The following SBF2 variants were observed in gnomAD, a reference collection of about 807,000 sequenced individuals.
SBF2 encodes the protein myotubularin-related protein 13.
In SBF2, 112 loss-of-function variants were observed where a neutral mutation model predicts 225.2. That is an observed-to-expected ratio of 0.50 (90% CI 0.43 to 0.58). The LOEUF (loss-of-function observed/expected upper bound fraction) is 0.58, where lower values mean the gene tolerates loss of function less well. Ranked by LOEUF, SBF2 falls within the 20% of genes least tolerant of loss-of-function variation. The pLI is 0.00. For missense variants in SBF2, 1,996 were observed against 2,206.2 expected (o/e 0.90, Z 1.91); for synonymous variants, 763 against 773.3 (o/e 0.99, Z 0.22).
At chr11:9,793,610 G>A (rs901064389) in intron 33 of SBF2, among the ~76,000 whole-genome samples, 6 of 151,620 alleles carry the variant, frequency 4.0e-5, no homozygotes, top group Admixed American at 1.3e-4. Flanking sequence ...GACTGGTCTC[G>A]AATTCCTGGC....
chr11:10,061,357 G>A (rs555457640), intron 2 of SBF2, among the ~76,000 whole-genome samples: 3 of 152,210 alleles, frequency 2.0e-5, no homozygotes, highest in Non-Finnish European at 4.4e-5. Context: ...TCAGGCAAGA[G>A]AAAGAAATAA....
At chr11:10,245,828 T>C (rs896093881) in intron 1 of SBF2, among the ~76,000 whole-genome samples, 3 of 152,232 alleles carry the variant, frequency 2.0e-5, no homozygotes, top group Non-Finnish European at 2.9e-5. Flanking sequence ...GAAAGGTATC[T>C]TGCCATTTGT....
chr11:9,907,894 TA>T (rs1862234690), intron 16 of SBF2, among the ~76,000 whole-genome samples: 1 of 152,256 alleles, frequency 6.6e-6, no homozygotes, highest in Non-Finnish European at 1.5e-5. Context: ...TTTTTGTTGA[TA>T]ATGAAACTGA....
At chr11:10,272,440 C>T (rs572610526) in intron 1 of SBF2, among the ~76,000 whole-genome samples, 1 of 152,236 alleles carries the variant, frequency 6.6e-6, no homozygotes, top group African/African-American at 2.4e-5. Flanking sequence ...TACAAACAAC[C>T]CTGGGCAAAC....
rs777196173 is a variant in SBF2 at position 9,808,048 on chromosome 11, C to T, written c.4395G>A (p.Gly1465=). 7.4e-6 allele frequency: 12 copies of T among 1,614,156 alleles called. No homozygotes were observed. The East Asian group carries it at 2.2e-4, about 30-fold the overall frequency. ...QRSSLTLNCQ[G]SGFAPVFLQF... is the part of the protein sequence containing the mutation. Reference sequence around the variant, plus strand: ...GTAAGAAGACTGGAGCAAAACCACTCCCCTGACAGTTGAGGGTCAAGCTGC... The same window carrying T: ...GTAAGAAGACTGGAGCAAAACCACTTCCCTGACAGTTGAGGGTCAAGCTGC... The change falls in exon 32 of 40, where the codon GGG becomes GGA. Residue 1465 remains glycine (G), a synonymous_variant. Transcript: ENST00000256190.
chr11:10,270,169 T>C (rs1962351525), intron 1 of SBF2, among the ~76,000 whole-genome samples: 2 of 152,138 alleles, frequency 1.3e-5, no homozygotes, highest in African/African-American at 4.8e-5. Flanking sequence ...TGTTATGTTT[T>C]ATATATACAA....
chr11:10,031,441 T>C (rs1200565403), intron 3 of SBF2, among the ~76,000 whole-genome samples: 1 of 152,198 alleles, frequency 6.6e-6, no homozygotes, highest in Non-Finnish European at 1.5e-5. Context: ...ATTTCCTTTC[T>C]GAGTGAATCA....
chr11:10,219,025 T>C (rs1032351553), intron 1 of SBF2, among the ~76,000 whole-genome samples: 16 of 152,166 alleles, frequency 1.1e-4, no homozygotes, highest in Non-Finnish European at 1.3e-4. Flanking sequence ...GTCTGGAGGA[T>C]GGTGGCCCTC....
rs1434621630 is a variant in SBF2, at chr11:10,216,200, C to T, written c.56-22213G>A. On this transcript the variant is annotated intron_variant, in intron 1 of 39. Coordinates refer to ENST00000256190, the MANE Select transcript of SBF2 (RefSeq NM_030962.4). Reference sequence around the variant, plus strand: ...AGTTATGTAATCTTCTCCAGTAGGACTTAAGTCTAAGACATAAAAGAAAAA... The same window carrying T: ...AGTTATGTAATCTTCTCCAGTAGGATTTAAGTCTAAGACATAAAAGAAAAA... Among the ~76,000 whole-genome samples the T allele has an allele frequency of 2.0e-5, 3 of 152,142 alleles. No homozygotes were observed. The East Asian group carries it at 5.8e-4, about 29-fold the overall frequency.
intron 2 of SBF2, among the ~76,000 whole-genome samples, chr11:10,171,285 A>G (rs933657178): frequency 1.5e-4 from 23 of 152,172 alleles, no homozygotes; most frequent in Admixed American, 3.9e-4. Context: ...TCTGTTGTAT[A>G]TAGCTTTTAT....
intron 14 of SBF2, among the ~76,000 whole-genome samples, chr11:9,965,545 C>T (rs1866851815): frequency 6.6e-6 from 1 of 152,146 alleles, no homozygotes; most frequent in African/African-American, 2.4e-5. Context: ...ACCTCGGCCT[C>T]CCAAAGTGCT....
intron 2 of SBF2, among the ~76,000 whole-genome samples, chr11:10,099,421 T>C (rs1017997195): frequency 1.3e-5 from 2 of 151,470 alleles, no homozygotes; most frequent in Admixed American, 1.3e-4. Context: ...GCTAAGGGAG[T>C]TCAAAAACAG....
chr11:9,869,105 T>C (rs569307051), intron 17 of SBF2, among the ~76,000 whole-genome samples: 42 of 152,358 alleles, frequency 2.8e-4, no homozygotes, highest in African/African-American at 9.4e-4. Context: ...GCAGGATAAA[T>C]ATTTGATTCT....
At chr11:10,243,174 A>G (rs1591294018) in intron 1 of SBF2, among the ~76,000 whole-genome samples, 1 of 152,282 alleles carries the variant, frequency 6.6e-6, no homozygotes, top group East Asian at 1.9e-4. Flanking sequence ...CAAAAACAAA[A>G]AGAAAAAAAT....
intron 2 of SBF2, among the ~76,000 whole-genome samples, chr11:10,176,856 C>T (rs575747339): frequency 9.2e-4 from 140 of 152,280 alleles, no homozygotes; most frequent in Non-Finnish European, 7.8e-4. Context: ...CCAGCATCAT[C>T]CTGATACCAA....
intron 16 of SBF2, among the ~76,000 whole-genome samples, chr11:9,946,802 T>C (rs1264356108): frequency 6.6e-6 from 1 of 152,196 alleles, no homozygotes; most frequent in East Asian, 1.9e-4. Context: ...TTAATACAAT[T>C]TGATATAACT....
chr11:9,896,733 G>A (rs914518890), intron 16 of SBF2, among the ~76,000 whole-genome samples: 3 of 148,772 alleles, frequency 2.0e-5, no homozygotes, highest in Admixed American at 6.8e-5. Flanking sequence ...AGGTTGCAGT[G>A]AGCCAAGATC....
At chr11:10,055,733 G>C (rs1950233938) in intron 2 of SBF2, among the ~76,000 whole-genome samples, 1 of 152,036 alleles carries the variant, frequency 6.6e-6, no homozygotes, top group South Asian at 2.1e-4. Flanking sequence ...ATTATGCAAG[G>C]GCATACAGTG....
At chr11:10,156,434 G>A (rs977816785) in intron 2 of SBF2, among the ~76,000 whole-genome samples, 4 of 152,192 alleles carry the variant, frequency 2.6e-5, no homozygotes, top group African/African-American at 7.2e-5. Context: ...TGAAGGGGCC[G>A]GTCCTCGGTG....
Sources: allele counts gnomAD v4.1 joint callset (sites outside exome capture counted in the v4.1 genomes callset), GRCh38; gene constraint gnomAD v4.1.1; transcripts MANE v1.5; gene names NCBI Gene and HGNC (gene_info 2026-07-23, HGNC 2026-07-21).